STK11: variants seen among roughly 807,000 people sequenced by gnomAD.
STK11 encodes the protein serine/threonine-protein kinase STK11.
A neutral mutation model predicts 47.3 loss-of-function variants in STK11; 8 were observed. The ratio of observed to expected loss-of-function variants is 0.17; its 90% confidence interval spans 0.10 to 0.31. The LOEUF is 0.31. STK11 is among the 10% of genes least tolerant of loss of function. STK11 has a pLI of 1.00. For missense variants in STK11, 475 were observed against 605.0 expected (o/e 0.79, Z 2.25); for synonymous variants, 330 against 255.8 (o/e 1.29, Z -2.77).
At chr19:1,219,570 G>C (rs2080768268) in intron 3 of STK11, among the ~76,000 whole-genome samples, 157 bp downstream of exon 3, 1 of 151,786 alleles carries the variant, frequency 6.6e-6, no homozygotes, top group Non-Finnish European at 1.5e-5. Flanking sequence ...TTTCGAGATG[G>C]AGTCTCACTC....
In STK11 at chr19:1,220,355, GGT is replaced by G. The variant is rs749644491; in HGVS notation, c.465-12_465-11del. On this transcript the variant is annotated splice_polypyrimidine_tract_variant and intron_variant, in intron 3 of 9. Transcript: ENST00000326873. ...GCAGGGAGGCCTCGGCCCCAGGACGGGTGTGTGCTGCCCGCAGGTACTTCTGT... is the reference window on the plus strand; with the variant it reads ...GCAGGGAGGCCTCGGCCCCAGGACGGGTGTGCTGCCCGCAGGTACTTCTGT... 16 of 1,592,700 alleles carry G rather than the reference GGT, an allele frequency of 1.0e-5. No individual in the cohort carries two copies. The highest frequency in any genetic ancestry group is 1.4e-5 in the Non-Finnish European group (16 of 1,170,154).
chr19:1,223,634 C>G (rs2080801427), intron 8 of STK11: 1 of 1,068,028 alleles, frequency 9.4e-7, no homozygotes, highest in Non-Finnish European at 1.1e-6. Flanking sequence ...CCCTTCTTCC[C>G]TAGGTGGCGA....
Position 1,228,056 on chromosome 19 carries a change from TTTC to T in STK11, c.*483_*485del, listed in dbSNP as rs1293876256. The T allele has an allele frequency of 6.6e-5, 70 of 1,065,380 alleles. No homozygotes were observed. The East Asian group carries it at 1.6e-3, about 25-fold the overall frequency. 66.0% of individuals were successfully genotyped at this position (1,065,380 alleles called of 1,614,324 possible). ...TGTTTGGTTGGTTCCATTTTCTTTT[TTTC>T]TTTTTTTTTTTAAGAAAAAATAAAA... On this transcript the variant is annotated 3_prime_UTR_variant, in exon 10 of 10. Transcript: ENST00000326873.
chr19:1,212,031 A>AG, intron 1 of STK11, among the ~76,000 whole-genome samples: 1 of 147,526 alleles, frequency 6.8e-6, no homozygotes, highest in South Asian at 2.1e-4. Flanking sequence ...TGAGACCCAG[A>AG]GGGAGCTCAG....
Position 1,226,465 on chromosome 19 carries a change from G to C in STK11, c.1120G>C (p.Glu374Gln), listed in dbSNP as rs587782287. ...CGTCTCCCTCCCAGGACAGGTCCCA[G>C]AAGAGGAGGCCAGTCACAATGGACA... Reference protein sequence around the residue: ...QDFTVPGQVPEEEASHNGQRR... With the variant: ...QDFTVPGQVPQEEASHNGQRR... The change falls in exon 9 of 10, where the codon GAA (glutamate) becomes CAA (glutamine). Residue 374 changes from glutamate to glutamine, a missense_variant. Physicochemically the swap from Glu to Gln is conservative, Grantham distance 29 (BLOSUM62 2). Coordinates refer to ENST00000326873, the MANE Select transcript of STK11 (RefSeq NM_000455.5). 1.2e-6 allele frequency: 2 copies of C among 1,611,084 alleles called. No individual in the cohort carries two copies. Among genetic ancestry groups the C allele is most frequent in the Non-Finnish European group, 1.7e-6 (2 of 1,179,276 alleles).
intron 8 of STK11, chr19:1,223,858 A>T (rs949859448): frequency 9.8e-7 from 1 of 1,021,972 alleles, no homozygotes; most frequent in African/African-American, 1.7e-5. Context: ...GCCGTGTCAT[A>T]AAGAGTTTTG....
intron 8 of STK11, chr19:1,223,891 C>T: frequency 9.8e-7 from 1 of 1,016,892 alleles, no homozygotes. Context: ...AGGGTGGATG[C>T]TTGCTGCGCT....
rs2080667831 is a variant in STK11 at position 1,206,731 on chromosome 19, T to A, written c.-183T>A. On this transcript the variant is annotated 5_prime_UTR_variant, in exon 1 of 10. Coordinates refer to ENST00000326873, the MANE Select transcript of STK11 (RefSeq NM_000455.5). ...CCGGGCTTGGACTCGCAGCCGGGAC[T>A]GACGTGTAGAACAATCGTTTCTGTT... 3.6e-6 allele frequency: 3 copies of A among 843,706 alleles called. No homozygotes were observed. Among genetic ancestry groups the A allele is most frequent in the South Asian group, 1.9e-5 (1 of 52,246 alleles). 52.3% of individuals were successfully genotyped at this position (843,706 alleles called of 1,614,324 possible).
At chr19:1,224,925 G>T in intron 8 of STK11, 2 of 985,592 alleles carry the variant, frequency 2.0e-6, no homozygotes, top group Non-Finnish European at 1.2e-6. Flanking sequence ...GACCTGCAGA[G>T]CCCCCTTGCG....
chr19:1,214,154 G>GCTGGGCCTCCTCTT (rs1302237190), intron 1 of STK11, among the ~76,000 whole-genome samples: 3 of 152,166 alleles, frequency 2.0e-5, no homozygotes, highest in African/African-American at 7.2e-5. Flanking sequence ...CTTAGGTTTC[G>GCTGGGCCTCCTCTT]CTGGGCCTCC....
intron 2 of STK11, 32 bp from the exon 3 acceptor site, chr19:1,219,292 G>A (rs762205618): frequency 3.1e-5 from 48 of 1,556,832 alleles, no homozygotes; most frequent in Non-Finnish European, 3.7e-5. Context: ...GAGTGGGGCC[G>A]CCCCCTGAGC....
At chr19:1,220,965 G>T (rs991340914) in intron 5 of STK11, among the ~76,000 whole-genome samples, 3 of 152,208 alleles carry the variant, frequency 2.0e-5, no homozygotes, top group African/African-American at 7.2e-5. Flanking sequence ...TCCTCCCAGA[G>T]CCCCACAGGG....
rs730881992 is a variant in STK11, at chr19:1,226,619, G to T, written c.1274G>T (p.Arg425Leu). The change falls in exon 9 of 10, where the codon CGC (arginine) becomes CTC (leucine). Residue 425 changes from arginine (R) to leucine (L), a missense_variant. Arg to Leu is a moderately radical substitution (Grantham distance 102, BLOSUM62 -2). This residue lies in a region of STK11 where 219 missense variants were observed against 189.2 expected (regional missense o/e 1.16). Coordinates refer to ENST00000326873, the MANE Select transcript of STK11 (RefSeq NM_000455.5). ...RKACSASSKI[R>L]RLSACKQQ ...GCCTGCTCCGCCAGCAGCAAGATCC[G>T]CCGGCTGTCGGCCTGCAAGCAGCAG... 1 of 1,548,296 alleles carries T rather than the reference G, an allele frequency of 6.5e-7. No individual in the cohort carries two copies. Among genetic ancestry groups the T allele is most frequent in the Non-Finnish European group, 8.7e-7 (1 of 1,147,688 alleles).
rs1483664300 is a variant in STK11 at position 1,206,623 on chromosome 19, G to C, written c.-291G>C. Reference sequence around the variant, plus strand: ...TTGACCCTGACCGGGCCGTCTCCCAGTTCTGAGGCCCGGGTCCCACTGGAA... The same window carrying C: ...TTGACCCTGACCGGGCCGTCTCCCACTTCTGAGGCCCGGGTCCCACTGGAA... On this transcript the variant is annotated 5_prime_UTR_variant, in exon 1 of 10. Coordinates refer to ENST00000326873, the MANE Select transcript of STK11 (RefSeq NM_000455.5). The C allele has an allele frequency of 4.0e-6, 2 of 498,208 alleles. No individual in the cohort carries two copies. The highest frequency in any genetic ancestry group is 6.8e-5 in the East Asian group (2 of 29,370). The allele number at this position is 498,208 out of a possible 1,614,324, so 30.9% of individuals were successfully genotyped here.
intron 8 of STK11, chr19:1,226,038 C>T (rs1010537471): frequency 2.0e-6 from 2 of 1,021,090 alleles, no homozygotes; most frequent in African/African-American, 3.5e-5. Flanking sequence ...GAGCCTGGCC[C>T]TCCTGTGTCC....
intron 1 of STK11, among the ~76,000 whole-genome samples, chr19:1,209,568 C>CTG (rs2145409537): frequency 1.3e-5 from 2 of 151,068 alleles, no homozygotes; most frequent in African/African-American, 4.9e-5. Flanking sequence ...GGCGACACAG[C>CTG]GAGACTCTGT....
chr19:1,206,820 TAAAA>T lies in STK11; in HGVS notation c.-93_-90del. 1 of 1,423,218 alleles carries T rather than the reference TAAAA, an allele frequency of 7.0e-7. No homozygotes were observed. The allele number at this position is 1,423,218 out of a possible 1,614,324, so 88.2% of individuals were successfully genotyped here. ...GCCTTTTTTTTTTCTTTTTTCTTTG[TAAAA>T]TTTTGGAGAAGGGAAGTCGGAACAC... On this transcript the variant is annotated 5_prime_UTR_variant, in exon 1 of 10. Transcript: ENST00000326873.
chr19:1,226,823 G>A (rs2080826936), intron 9 of STK11, 160 bp downstream of exon 9: 7 of 893,916 alleles, frequency 7.8e-6, no homozygotes, highest in South Asian at 3.9e-5. Flanking sequence ...AGCGATCCCC[G>A]TGGAGGGTGC....
intron 1 of STK11, among the ~76,000 whole-genome samples, chr19:1,212,495 G>A (rs1289496531): frequency 1.3e-5 from 2 of 151,942 alleles, no homozygotes; most frequent in Non-Finnish European, 2.9e-5. Context: ...CAAGCTATCC[G>A]CCTGCCTGGG....
Sources: gnomAD v4.1 joint callset for allele counts (sites outside exome capture counted in the v4.1 genomes callset) on GRCh38, gnomAD v4.1.1 for gene constraint, gnomAD v4.1.1 regional missense constraint, MANE v1.5 for transcripts, NCBI Gene and HGNC (gene_info 2026-07-23, HGNC 2026-07-21) for gene names.